TNRC18: variants seen among roughly 807,000 people sequenced by gnomAD.
The protein encoded by TNRC18 is trinucleotide repeat-containing gene 18 protein.
Under a neutral mutation model 226.7 loss-of-function variants are expected in TNRC18, and 69 were observed. The ratio of observed to expected loss-of-function variants is 0.30; its 90% CI spans 0.25 to 0.37. TNRC18 has a LOEUF of 0.37. TNRC18 is among the 10% of genes least tolerant of loss of function. The pLI, the probability that TNRC18 is intolerant of heterozygous loss-of-function variation, is 1.00. For synonymous variants in TNRC18, 2,449 were observed against 1,927.6 expected, an observed-to-expected ratio of 1.27 and a Z score of -7.09; for missense variants, 4,754 against 4,256.6, an observed-to-expected ratio of 1.12 and a Z score of -3.25.
At chr7:5,328,088 C>T (rs1471525072) in intron 19 of TNRC18, among the ~76,000 whole-genome samples, 4 of 151,900 alleles carry the variant, frequency 2.6e-5, no homozygotes, top group Non-Finnish European at 1.5e-5. Flanking sequence ...CGTGAGGGCA[C>T]GAGCCTGTAA....
At position 5,313,529 on chromosome 7, in the gene TNRC18, C is replaced by T. The variant is rs377673322; in HGVS notation, c.7362G>A (p.Pro2454=). The T allele has an allele frequency of 1.1e-5, 18 of 1,612,198 alleles. No homozygotes were observed. The highest frequency in any genetic ancestry group is 9.3e-5 in the African/African-American group (7 of 75,018). Residue 2454 remains proline, a synonymous_variant, in exon 27 of 30, where the codon CCG becomes CCA. Transcript: ENST00000430969. ...TGACAAGCAGCTCGGCCTCCTCCCC[C>T]GGCCTCCGAGGGCCCTTGGCACCCG... The part of the protein sequence containing the change: ...EESGAKGPRR[P]GEEAELLVKL...
At chr7:5,359,251 G>T in intron 15 of TNRC18, 147 bp downstream of exon 15, 1 of 852,408 alleles carries the variant, frequency 1.2e-6, no homozygotes, top group Non-Finnish European at 1.9e-6. Context: ...AGGAAGATTG[G>T]AGAAGAGTCA....
chr7:5,313,392 C>G lies in TNRC18; in HGVS notation c.7499G>C (p.Ser2500Thr). 6.3e-7 allele frequency: 1 copy of G among 1,592,142 alleles called. No individual in the cohort carries two copies. Among genetic ancestry groups the G allele is most frequent in the Non-Finnish European group, 8.5e-7 (1 of 1,170,776 alleles). The change falls in exon 27 of 30, where the codon AGC (serine) becomes ACC (threonine). Residue 2500 changes from serine to threonine, a missense_variant. Ser to Thr is a moderately conservative substitution (Grantham distance 58, BLOSUM62 1). Coordinates refer to ENST00000430969, the MANE Select transcript of TNRC18 (RefSeq NM_001080495.3). ...GGWQEPKSLL[S>T]LGSYPPAAGS... is the part of the protein sequence containing the mutation. ...GGCCGCGGGGGGATAGCTGCCCAGG[C>G]TCAGGAGGCTCTTGGGCTCCTGCCA...
intron 5 of TNRC18, among the ~76,000 whole-genome samples, chr7:5,383,957 ATTTTTTTTT>A (rs765430615): frequency 1.3e-5 from 1 of 78,794 alleles, no homozygotes; most frequent in Non-Finnish European, 2.2e-5. Flanking sequence ...TACCCGGGTG[ATTTTTTTTT>A]TTTTTTTTTT....
chr7:5,358,173 A>G (rs1792654807), intron 15 of TNRC18, among the ~76,000 whole-genome samples: 1 of 152,154 alleles, frequency 6.6e-6, no homozygotes, highest in Non-Finnish European at 1.5e-5. Context: ...GAAGCTGCCA[A>G]AAAAAATGCC....
chr7:5,331,796 G>C (rs1789551938), intron 19 of TNRC18, among the ~76,000 whole-genome samples: 1 of 152,154 alleles, frequency 6.6e-6, no homozygotes, highest in African/African-American at 2.4e-5. Flanking sequence ...TGTAGTCCCA[G>C]CTACTCAGGA....
At chr7:5,399,384 G>A (rs916539973) in intron 2 of TNRC18, among the ~76,000 whole-genome samples, 16 of 152,252 alleles carry the variant, frequency 1.1e-4, no homozygotes, top group Admixed American at 3.3e-4. Context: ...TATCTCACCC[G>A]ACACCTTAGA....
chr7:5,420,777 C>G, intron 2 of TNRC18: 1 of 653,258 alleles, frequency 1.5e-6, no homozygotes, highest in Non-Finnish European at 2.8e-6. Flanking sequence ...GCCGCCGGGG[C>G]CCCGGGGATT....
chr7:5,324,955 A>G lies in TNRC18; in HGVS notation c.6300+141T>C. 1 of 984,280 alleles carries G rather than the reference A, an allele frequency of 1.0e-6. No individual in the cohort carries two copies. The highest frequency in any genetic ancestry group is 2.8e-5 in the East Asian group (1 of 36,144). 61.0% of individuals were successfully genotyped at this position (984,280 alleles called of 1,614,324 possible). A position where few individuals can be genotyped will look rare whatever the true frequency, so the allele number is the denominator to read the frequency against. On this transcript the variant is annotated intron_variant, in intron 20 of 29. Coordinates refer to ENST00000430969, the MANE Select transcript of TNRC18 (RefSeq NM_001080495.3). The surrounding 1 kb of genome is among the most constrained non-coding windows in gnomAD (Gnocchi z 4.8). ...ATCCCTGGAGTGTGGGGACGGCCAC[A>G]TCACCCTCGTCACCCGCAACCTCTC...
At chr7:5,352,544 A>G (rs1444054635) in intron 16 of TNRC18, among the ~76,000 whole-genome samples, 2 of 152,226 alleles carry the variant, frequency 1.3e-5, no homozygotes, top group Admixed American at 1.3e-4. Context: ...TTCTCTTCCC[A>G]GTGCCCCTCC....
chr7:5,389,293 G>T lies in TNRC18; in HGVS notation c.531C>A (p.His177Gln). 2.3e-6 allele frequency: 3 copies of T among 1,286,926 alleles called. No individual in the cohort carries two copies. Among genetic ancestry groups the T allele is most frequent in the East Asian group, 6.1e-5 (2 of 32,594 alleles). The allele number at this position is 1,286,926 out of a possible 1,614,324, so 79.7% of individuals were successfully genotyped here. A position where few individuals can be genotyped will look rare whatever the true frequency, so the allele number is the denominator to read the frequency against. Residue 177 changes from histidine to glutamine, a missense_variant, in exon 5 of 30, where the codon CAC becomes CAA. Transcript: ENST00000430969. ...LPTAGAPGSL[H>Q]SHAPSARTPG... ...GGGTCCGGGCCGAGGGCGCGTGAGAGTGCAGGGAGCCCGGAGCCCCCGCGG... is the reference window on the plus strand; with the variant it reads ...GGGTCCGGGCCGAGGGCGCGTGAGATTGCAGGGAGCCCGGAGCCCCCGCGG...
At chr7:5,397,654 C>T (rs1218527982) in intron 2 of TNRC18, among the ~76,000 whole-genome samples, 1 of 152,224 alleles carries the variant, frequency 6.6e-6, no homozygotes, top group Non-Finnish European at 1.5e-5. Flanking sequence ...ACGTCAGGAG[C>T]CTGCCCCTTT....
intron 17 of TNRC18, among the ~76,000 whole-genome samples, chr7:5,348,189 G>C (rs1791402836): frequency 6.6e-6 from 1 of 152,180 alleles, no homozygotes; most frequent in South Asian, 2.1e-4. Context: ...GCAGACACTT[G>C]CTTCCAAGGA....
intron 9 of TNRC18, 72 bp from the exon 10 acceptor site, chr7:5,374,556 TC>T (rs1178284845): frequency 7.5e-6 from 11 of 1,457,416 alleles, no homozygotes; most frequent in East Asian, 2.7e-5. Flanking sequence ...ACCTGCCCTG[TC>T]CCCCCAAGGG....
intron 2 of TNRC18, among the ~76,000 whole-genome samples, chr7:5,419,318 G>A (rs531322940): frequency 6.6e-6 from 1 of 152,220 alleles, no homozygotes; most frequent in African/African-American, 2.4e-5. Context: ...TCGCAGGCGG[G>A]GAGTGCGCGA....
chr7:5,311,090 C>T (rs1477154534), intron 27 of TNRC18, among the ~76,000 whole-genome samples: 1 of 152,262 alleles, frequency 6.6e-6, no homozygotes, highest in Non-Finnish European at 1.5e-5. Context: ...TTCATGTTTA[C>T]ATGGTTCATG....
At chr7:5,329,353 A>C (rs566096860) in intron 19 of TNRC18, among the ~76,000 whole-genome samples, 1 of 151,946 alleles carries the variant, frequency 6.6e-6, no homozygotes, top group African/African-American at 2.4e-5. Context: ...CCCATGTGGC[A>C]GTACACATGA....
intron 2 of TNRC18, among the ~76,000 whole-genome samples, chr7:5,404,722 T>C (rs1005259010): frequency 6.6e-6 from 1 of 151,730 alleles, no homozygotes; most frequent in African/African-American, 2.4e-5. Flanking sequence ...AGATTCCATA[T>C]GCAATCCCCA....
chr7:5,348,411 G>T (rs749659484), intron 17 of TNRC18, among the ~76,000 whole-genome samples: 64 of 152,302 alleles, frequency 4.2e-4, no homozygotes, highest in Admixed American at 1.8e-3. Flanking sequence ...GCGGGGAGCA[G>T]TCTAGGCTCG....
Sources: gnomAD v4.1 joint callset for allele counts (sites outside exome capture counted in the v4.1 genomes callset) on GRCh38, gnomAD v4.1.1 for gene constraint, Gnocchi (gnomAD v3.1) non-coding constraint, MANE v1.5 for transcripts, NCBI Gene and HGNC (gene_info 2026-07-23, HGNC 2026-07-21) for gene names.